Variants in FBXL17 observed in about 807,000 individuals in gnomAD.
FBXL17 encodes the protein F-box/LRR-repeat protein 17.
A neutral mutation model predicts 66.2 loss-of-function variants in FBXL17; 22 were observed. That is an observed-to-expected ratio of 0.33 (90% CI 0.24 to 0.47). The LOEUF (loss-of-function observed/expected upper bound fraction) is 0.47, where lower values mean the gene tolerates loss of function less well. Among genes scored for constraint, FBXL17 ranks in the 20% least tolerant of loss-of-function variants. The probability of loss-of-function intolerance (pLI) is 1.00; values close to 1 mark genes in which losing one functional copy is unlikely to be tolerated. For synonymous variants in FBXL17, 474 were observed against 400.5 expected (o/e 1.18, Z -2.19); for missense variants, 878 against 948.2 (o/e 0.93, Z 0.97).
At chr5:108,343,221 A>C (rs1345268599) in intron 4 of FBXL17, among the ~76,000 whole-genome samples, 2 of 152,216 alleles carry the variant, frequency 1.3e-5, no homozygotes, top group African/African-American at 4.8e-5. Flanking sequence ...CAGCAACCCA[A>C]GTGGACAAAG....
chr5:108,163,872 T>C (rs1752313428), intron 6 of FBXL17, among the ~76,000 whole-genome samples: 1 of 152,250 alleles, frequency 6.6e-6, no homozygotes, highest in South Asian at 2.1e-4. Context: ...CCTGAAATAC[T>C]GCTCTCTTTA....
intron 7 of FBXL17, among the ~76,000 whole-genome samples, chr5:107,919,769 C>T (rs978545721): frequency 6.6e-6 from 1 of 152,152 alleles, no homozygotes; most frequent in African/African-American, 2.4e-5. Context: ...GTTAAAATGC[C>T]ACTTGCACCC....
intron 7 of FBXL17, among the ~76,000 whole-genome samples, chr5:107,925,180 T>A (rs1750486601): frequency 6.6e-6 from 1 of 152,234 alleles, no homozygotes; most frequent in Non-Finnish European, 1.5e-5. Flanking sequence ...AACAATTACC[T>A]GTAATGGTTC....
Position 108,106,955 on chromosome 5 carries a change from A to G in FBXL17, c.1745+79162T>C, listed in dbSNP as rs1193295321. 2.0e-5 allele frequency among the ~76,000 whole-genome samples: 3 copies of G among 152,340 alleles called. No homozygotes were observed. The East Asian group carries it at 5.8e-4, about 29-fold the overall frequency. ...TGTGGTATGTAAATTACATCTCAATAAAGTTATTTTTTAAAGAGGTGAAAA... is the reference window on the plus strand; with the variant it reads ...TGTGGTATGTAAATTACATCTCAATGAAGTTATTTTTTAAAGAGGTGAAAA... On this transcript the variant is annotated intron_variant, in intron 6 of 8. Coordinates refer to ENST00000542267, the MANE Select transcript of FBXL17 (RefSeq NM_001163315.3).
intron 7 of FBXL17, among the ~76,000 whole-genome samples, chr5:108,007,808 T>A (rs1354612250): frequency 1.3e-5 from 2 of 152,250 alleles, no homozygotes; most frequent in African/African-American, 4.8e-5. Flanking sequence ...ATAGAAAGGC[T>A]GTACCTTTCC....
intron 6 of FBXL17, among the ~76,000 whole-genome samples, chr5:108,168,246 A>C (rs1032205488): frequency 1.3e-5 from 2 of 152,202 alleles, no homozygotes; most frequent in Non-Finnish European, 2.9e-5. Context: ...AAATACTTAA[A>C]GTCAAACAAC....
chr5:108,203,530 A>G (rs2150051689), intron 5 of FBXL17, among the ~76,000 whole-genome samples: 1 of 152,324 alleles, frequency 6.6e-6, no homozygotes, highest in African/African-American at 2.4e-5. Flanking sequence ...TGGTCATCCA[A>G]AAAAACCCTT....
At chr5:108,283,917 C>T (rs1757798515) in intron 4 of FBXL17, among the ~76,000 whole-genome samples, 1 of 151,762 alleles carries the variant, frequency 6.6e-6, no homozygotes, top group Admixed American at 6.6e-5. Context: ...ATAAAAATGG[C>T]CAACAGGTAT....
At chr5:108,359,802 G>C (rs1397023195) in intron 3 of FBXL17, among the ~76,000 whole-genome samples, 1 of 152,028 alleles carries the variant, frequency 6.6e-6, no homozygotes, top group Admixed American at 6.6e-5. Flanking sequence ...TATCTGCTAG[G>C]TGCAGTGGGT....
At chr5:108,366,535 T>C (rs1042625696) in intron 2 of FBXL17, among the ~76,000 whole-genome samples, 2 of 140,314 alleles carry the variant, frequency 1.4e-5, no homozygotes, top group African/African-American at 5.2e-5. Flanking sequence ...TACTTTTTCA[T>C]CTCCACACCT....
chr5:108,142,571 T>C (rs888559088), intron 6 of FBXL17, among the ~76,000 whole-genome samples: 20 of 152,190 alleles, frequency 1.3e-4, no homozygotes, highest in African/African-American at 4.8e-4. Context: ...GCTAACTGAT[T>C]TTTTCGCCTA....
chr5:108,154,684 C>T lies in FBXL17; in HGVS notation c.1745+31433G>A, dbSNP rs1233622256. Among the ~76,000 whole-genome samples, 108 of 138,684 alleles carry T rather than the reference C, an allele frequency of 7.8e-4. 1 individual carries two copies. The highest frequency in any genetic ancestry group is 3.7e-3 in the Middle Eastern group (1 of 268). 91.0% of individuals were successfully genotyped at this position (138,684 alleles called of 152,430 possible). On this transcript the variant is annotated intron_variant, in intron 6 of 8. Coordinates refer to ENST00000542267, the MANE Select transcript of FBXL17 (RefSeq NM_001163315.3). ...ATACATATATATGTGTATATATATA[C>T]ACATATATATGTATATACATATATA...
intron 4 of FBXL17, among the ~76,000 whole-genome samples, chr5:108,342,909 A>G (rs374544767): frequency 6.6e-6 from 1 of 152,210 alleles, no homozygotes; most frequent in Non-Finnish European, 1.5e-5. Flanking sequence ...CCCAAAACCC[A>G]TATGTTGAAA....
At chr5:108,293,268 A>C (rs975488647) in intron 4 of FBXL17, among the ~76,000 whole-genome samples, 1 of 152,170 alleles carries the variant, frequency 6.6e-6, no homozygotes, top group South Asian at 2.1e-4. Flanking sequence ...TGTAATACTA[A>C]TAAGTTATTT....
At chr5:108,251,229 G>A (rs529207483) in intron 4 of FBXL17, among the ~76,000 whole-genome samples, 2 of 152,062 alleles carry the variant, frequency 1.3e-5, no homozygotes, top group African/African-American at 4.8e-5. Context: ...CTTGCTTCAT[G>A]CTCCTGCCAT....
At chr5:107,973,428 A>G (rs1381701319) in intron 7 of FBXL17, among the ~76,000 whole-genome samples, 1 of 148,212 alleles carries the variant, frequency 6.7e-6, no homozygotes, top group African/African-American at 2.5e-5. Flanking sequence ...GCCCAAGACA[A>G]TTCTTCTTCT....
intron 4 of FBXL17, chr5:108,299,066 G>T: frequency 1.0e-6 from 1 of 976,418 alleles, no homozygotes; most frequent in Non-Finnish European, 1.2e-6. Flanking sequence ...GAACAAAAAA[G>T]CCCCAAATGT....
intron 4 of FBXL17, among the ~76,000 whole-genome samples, chr5:108,306,957 C>G (rs939349440): frequency 6.6e-6 from 1 of 152,004 alleles, no homozygotes; most frequent in Non-Finnish European, 1.5e-5. Flanking sequence ...TAATCCCTCC[C>G]ATTTATTGGT....
chr5:107,906,832 G>T (rs946994724), intron 7 of FBXL17, among the ~76,000 whole-genome samples: 1 of 152,120 alleles, frequency 6.6e-6, no homozygotes, highest in Non-Finnish European at 1.5e-5. Context: ...ACAAAACAAA[G>T]AAACTACACA....
Sources: gnomAD v4.1 joint callset for allele counts (sites outside exome capture counted in the v4.1 genomes callset) on GRCh38, gnomAD v4.1.1 for gene constraint, MANE v1.5 for transcripts, NCBI Gene and HGNC (gene_info 2026-07-23, HGNC 2026-07-21) for gene names.